The following BRINP3 variants were observed in gnomAD, a reference collection of about 807,000 sequenced individuals.
BRINP3 encodes the protein BMP/retinoic acid-inducible neural-specific protein 3.
A neutral mutation model predicts 71.0 loss-of-function variants in BRINP3; 19 were observed. The observed-to-expected ratio is 0.27, with a 90% CI of 0.19 to 0.39. The LOEUF (loss-of-function observed/expected upper bound fraction) is 0.39, where lower values mean the gene tolerates loss of function less well. Ranked by LOEUF, BRINP3 falls within the 10% of genes least tolerant of loss-of-function variation. The pLI is 1.00. For synonymous variants in BRINP3, 380 were observed against 337.7 expected (o/e 1.13, Z -1.37); for missense variants, 959 against 940.8 (o/e 1.02, Z -0.25).
At chr1:190,167,902 T>C (rs767803763) in intron 6 of BRINP3, among the ~76,000 whole-genome samples, 7 of 152,124 alleles carry the variant, frequency 4.6e-5, no homozygotes, top group Admixed American at 4.6e-4. Flanking sequence ...ATTAAATGCA[T>C]GGGTAAAAGG....
intron 2 of BRINP3, among the ~76,000 whole-genome samples, chr1:190,334,212 T>C (rs2103089040): frequency 1.3e-5 from 2 of 151,974 alleles, no homozygotes; most frequent in Middle Eastern, 6.8e-3. Context: ...CTTGATTTTG[T>C]CTTCTGATTT....
At chr1:190,166,287 T>C (rs1221810598) in intron 6 of BRINP3, among the ~76,000 whole-genome samples, 1 of 152,216 alleles carries the variant, frequency 6.6e-6, no homozygotes, top group Non-Finnish European at 1.5e-5. Context: ...AATTCCTTAG[T>C]AGCTGCCAGA....
At chr1:190,341,320 T>A (rs1667641074) in intron 2 of BRINP3, among the ~76,000 whole-genome samples, 1 of 151,854 alleles carries the variant, frequency 6.6e-6, no homozygotes, top group Non-Finnish European at 1.5e-5. Flanking sequence ...GTTTTTCATG[T>A]TCTGTTAGTA....
chr1:190,286,526 G>A (rs1314644413), intron 2 of BRINP3, among the ~76,000 whole-genome samples: 1 of 152,064 alleles, frequency 6.6e-6, no homozygotes, highest in African/African-American at 2.4e-5. Flanking sequence ...AAATACCAAT[G>A]AAAAAGAAAC....
At chr1:190,349,848 C>A (rs997965000) in intron 2 of BRINP3, among the ~76,000 whole-genome samples, 1 of 152,024 alleles carries the variant, frequency 6.6e-6, no homozygotes, top group African/African-American at 2.4e-5. Flanking sequence ...ATTAGATATG[C>A]CTAATTTGAA....
At chr1:190,193,758 A>G (rs1484298888) in intron 6 of BRINP3, among the ~76,000 whole-genome samples, 2 of 152,026 alleles carry the variant, frequency 1.3e-5, no homozygotes, top group Admixed American at 6.6e-5. Flanking sequence ...TGAGATGCAA[A>G]TCTACTCCCA....
At chr1:190,154,081 T>C (rs983604198) in intron 7 of BRINP3, 13 of 964,200 alleles carry the variant, frequency 1.3e-5, no homozygotes, top group Non-Finnish European at 1.4e-5. Context: ...TTATGATTTT[T>C]AGTTCTAGTC....
At chr1:190,131,634 A>G (rs1654553694) in intron 7 of BRINP3, among the ~76,000 whole-genome samples, 1 of 152,064 alleles carries the variant, frequency 6.6e-6, no homozygotes, top group African/African-American at 2.4e-5. Flanking sequence ...TCTTAGCTAC[A>G]TTTTATACTA....
rs370097273 is a variant in BRINP3, at chr1:190,453,007, T to C, written c.236+1648A>G. Among the ~76,000 whole-genome samples, 9 of 152,176 alleles carry C rather than the reference T, an allele frequency of 5.9e-5. No homozygotes were observed. The East Asian group carries it at 9.7e-4, about 16-fold the overall frequency. Reference sequence around the variant, plus strand: ...TCACGGAGACATGCTCTGGCATCAGTTTGTGTGATAGAGTGTTAAAAATCC... The same window carrying C: ...TCACGGAGACATGCTCTGGCATCAGCTTGTGTGATAGAGTGTTAAAAATCC... On this transcript the variant is annotated intron_variant, in intron 2 of 7. Transcript: ENST00000367462.
chr1:190,111,696 G>A lies in BRINP3; in HGVS notation c.1185-12562C>T, dbSNP rs574022625. 2.0e-5 allele frequency among the ~76,000 whole-genome samples: 3 copies of A among 152,184 alleles called. No homozygotes were observed. In the South Asian group the frequency reaches 6.2e-4, roughly 32 times the overall value. On this transcript the variant is annotated intron_variant, in intron 7 of 7. Coordinates refer to ENST00000367462, the MANE Select transcript of BRINP3 (RefSeq NM_199051.3). ...TGCTACTCACCCTGAAAATGGACAT[G>A]AGGTCTCAAGCTGCAGGAGCCATCT...
chr1:190,125,212 A>G (rs945098476), intron 7 of BRINP3, among the ~76,000 whole-genome samples: 3 of 151,972 alleles, frequency 2.0e-5, no homozygotes, highest in African/African-American at 7.2e-5. Context: ...AAAACAGAGT[A>G]AAGAGCTCTG....
chr1:190,154,114 G>C lies in BRINP3; in HGVS notation c.1184+6554C>G, dbSNP rs1015499060. On this transcript the variant is annotated intron_variant, in intron 7 of 7. Coordinates refer to ENST00000367462, the MANE Select transcript of BRINP3 (RefSeq NM_199051.3). ...GTCATCACATTTTCATCTTAGCTAG[G>C]GGAAAGAGATAAAAAAGATGACACA... The C allele has an allele frequency of 2.8e-5, 26 of 928,280 alleles. No homozygotes were observed. The African/African-American group carries it at 4.3e-4, about 15-fold the overall frequency. 57.5% of individuals were successfully genotyped at this position (928,280 alleles called of 1,614,324 possible). A position where few individuals can be genotyped will look rare whatever the true frequency, so the allele number is the denominator to read the frequency against.
At chr1:190,199,650 C>A (rs1654809770) in intron 6 of BRINP3, among the ~76,000 whole-genome samples, 1 of 151,784 alleles carries the variant, frequency 6.6e-6, no homozygotes, top group Non-Finnish European at 1.5e-5. Context: ...ATGCCAAAAG[C>A]CATCTTTGTC....
intron 2 of BRINP3, among the ~76,000 whole-genome samples, chr1:190,323,296 C>T (rs1666367675): frequency 6.6e-6 from 1 of 151,772 alleles, no homozygotes. Flanking sequence ...ACTGGATAGA[C>T]AATAGAGAGG....
chr1:190,308,142 A>G (rs979408574), intron 2 of BRINP3, among the ~76,000 whole-genome samples: 3 of 151,948 alleles, frequency 2.0e-5, no homozygotes, highest in African/African-American at 4.8e-5. Flanking sequence ...ATAGTTTTCA[A>G]TTCTATTTAA....
chr1:190,252,383 T>C (rs148883405), intron 4 of BRINP3, among the ~76,000 whole-genome samples: 2 of 152,136 alleles, frequency 1.3e-5, no homozygotes, highest in Admixed American at 6.6e-5. Context: ...AAAAATAAGG[T>C]ATTTCCAAAA....
At chr1:190,203,461 A>ATG (rs35085261) in intron 6 of BRINP3, among the ~76,000 whole-genome samples, 1,971 of 143,850 alleles carry the variant, frequency 0.014, 27 homozygotes, top group African/African-American at 0.042. Flanking sequence ...GTATATATAT[A>ATG]TGTGTGTGTG....
At chr1:190,439,505 A>AT (rs960870737) in intron 2 of BRINP3, among the ~76,000 whole-genome samples, 1 of 151,716 alleles carries the variant, frequency 6.6e-6, no homozygotes, top group African/African-American at 2.4e-5. Context: ...CTAATTCCAA[A>AT]TTTTTGTAAG....
At chr1:190,394,010 T>C (rs1671418255) in intron 2 of BRINP3, among the ~76,000 whole-genome samples, 1 of 151,614 alleles carries the variant, frequency 6.6e-6, no homozygotes, top group Admixed American at 6.6e-5. Context: ...AAGTATTTCA[T>C]TATTTTATAC....
Sources: gnomAD v4.1 joint callset for allele counts (sites outside exome capture counted in the v4.1 genomes callset) on GRCh38, gnomAD v4.1.1 for gene constraint, MANE v1.5 for transcripts, NCBI Gene and HGNC (gene_info 2026-07-23, HGNC 2026-07-21) for gene names.